The following GRIK4 variants were observed in gnomAD, a reference collection of about 807,000 sequenced individuals.
The protein encoded by GRIK4 is glutamate receptor ionotropic, kainate 4.
In GRIK4, 40 loss-of-function variants were observed where a neutral mutation model predicts 104.9. That is an observed-to-expected ratio of 0.38 (90% CI 0.30 to 0.50). The LOEUF is 0.50. Among genes scored for constraint, GRIK4 ranks in the 20% least tolerant of loss-of-function variants. The pLI is 0.93. For synonymous variants in GRIK4, 485 were observed against 524.9 expected (o/e 0.92, Z 1.04); for missense variants, 1,047 against 1,308.1 (o/e 0.80, Z 3.08).
intron 13 of GRIK4, among the ~76,000 whole-genome samples, chr11:120,906,732 G>A (rs1362286798): frequency 6.6e-6 from 1 of 152,192 alleles, no homozygotes; most frequent in Non-Finnish European, 1.5e-5. Flanking sequence ...CTGTGGAAAA[G>A]GTGTTTAAGA....
intron 11 of GRIK4, among the ~76,000 whole-genome samples, chr11:120,881,419 G>A (rs1474035983): frequency 1.3e-5 from 2 of 152,124 alleles, no homozygotes; most frequent in East Asian, 3.9e-4. Flanking sequence ...TGCTCCTACA[G>A]AGCTGGAGAA....
chr11:120,531,909 G>C (rs140201724), intron 1 of GRIK4, among the ~76,000 whole-genome samples: 8 of 152,108 alleles, frequency 5.3e-5, no homozygotes, highest in Non-Finnish European at 1.0e-4. Flanking sequence ...CAACCTCATG[G>C]TTGTGGCCCA....
At chr11:120,861,307 C>T (rs1954258216) in intron 8 of GRIK4, among the ~76,000 whole-genome samples, 1 of 151,906 alleles carries the variant, frequency 6.6e-6, no homozygotes, top group African/African-American at 2.4e-5. Flanking sequence ...GGGGTTTCAC[C>T]ATGTTGGTCA....
At chr11:120,854,224 G>A (rs1320947582) in intron 8 of GRIK4, among the ~76,000 whole-genome samples, 1 of 152,206 alleles carries the variant, frequency 6.6e-6, no homozygotes, top group Non-Finnish European at 1.5e-5. Flanking sequence ...GGCAGTTAGG[G>A]TCCAGGGCTG....
intron 1 of GRIK4, among the ~76,000 whole-genome samples, chr11:120,546,716 G>C (rs1320284454): frequency 6.6e-6 from 1 of 152,158 alleles, no homozygotes; most frequent in Non-Finnish European, 1.5e-5. Flanking sequence ...TTAGCCTTGA[G>C]TTATTTAGTA....
At chr11:120,561,917 A>C (rs1226571553) in intron 1 of GRIK4, among the ~76,000 whole-genome samples, 1 of 152,250 alleles carries the variant, frequency 6.6e-6, no homozygotes, top group Non-Finnish European at 1.5e-5. Context: ...CCACTTGAAA[A>C]GGGTGCCAAA....
intron 3 of GRIK4, among the ~76,000 whole-genome samples, chr11:120,789,501 A>G (rs1033113817): frequency 6.6e-6 from 1 of 152,016 alleles, no homozygotes; most frequent in African/African-American, 2.4e-5. Flanking sequence ...TTCCTGGACT[A>G]TTAAAATAAC....
intron 19 of GRIK4, among the ~76,000 whole-genome samples, chr11:120,974,492 G>T (rs1287072421): frequency 6.6e-6 from 1 of 152,186 alleles, no homozygotes; most frequent in Admixed American, 6.5e-5. Flanking sequence ...CAGACGACGT[G>T]CCAGTGCCTA....
chr11:120,898,332 C>T (rs1942639669), intron 11 of GRIK4, among the ~76,000 whole-genome samples, 200 bp from the exon 12 acceptor site: 1 of 151,764 alleles, frequency 6.6e-6, no homozygotes, highest in South Asian at 2.1e-4. Context: ...TCCTTTCTTC[C>T]CTGACTGTTA....
intron 1 of GRIK4, among the ~76,000 whole-genome samples, chr11:120,607,174 G>A (rs11600354): frequency 0.3 from 45,532 of 152,110 alleles, 7,494 homozygotes; most frequent in Non-Finnish European, 0.38. Context: ...GACAGGCTTC[G>A]GGGAGACATT....
At chr11:120,562,082 G>A (rs758094846) in intron 1 of GRIK4, among the ~76,000 whole-genome samples, 3 of 152,170 alleles carry the variant, frequency 2.0e-5, no homozygotes, top group Admixed American at 6.5e-5. Flanking sequence ...CACACAATAA[G>A]GGGAGGGAGA....
chr11:120,625,100 C>A (rs1949241077), intron 1 of GRIK4, among the ~76,000 whole-genome samples: 1 of 152,218 alleles, frequency 6.6e-6, no homozygotes, highest in Non-Finnish European at 1.5e-5. Context: ...CATGGTAAAA[C>A]CCCGTCTCTA....
At chr11:120,976,593 A>G (rs961501203) in intron 19 of GRIK4, among the ~76,000 whole-genome samples, 1 of 152,252 alleles carries the variant, frequency 6.6e-6, no homozygotes, top group Non-Finnish European at 1.5e-5. Context: ...CCAAGAATCC[A>G]TGTTCTTGTC....
chr11:120,657,744 C>T (rs913004541), intron 2 of GRIK4, among the ~76,000 whole-genome samples: 5 of 152,200 alleles, frequency 3.3e-5, no homozygotes, highest in Non-Finnish European at 5.9e-5. Flanking sequence ...ATGCCCTGTG[C>T]ACAGGAAGTG....
chr11:120,690,899 G>A (rs1950349067), intron 3 of GRIK4, among the ~76,000 whole-genome samples: 1 of 152,142 alleles, frequency 6.6e-6, no homozygotes, highest in African/African-American at 2.4e-5. Context: ...AAGTTATCAC[G>A]TCCTTGTAGG....
chr11:120,720,403 G>T (rs1950910332), intron 3 of GRIK4, among the ~76,000 whole-genome samples: 2 of 152,186 alleles, frequency 1.3e-5, no homozygotes, highest in South Asian at 2.1e-4. Context: ...ATTGCATTCT[G>T]GGTCTCAAGG....
intron 1 of GRIK4, among the ~76,000 whole-genome samples, chr11:120,606,716 T>G (rs1477506491): frequency 6.6e-6 from 1 of 152,146 alleles, no homozygotes; most frequent in South Asian, 2.1e-4. Flanking sequence ...GAGGAGGGCA[T>G]GCAGTTCTCC....
At chr11:120,734,037 A>G (rs1487496206) in intron 3 of GRIK4, among the ~76,000 whole-genome samples, 1 of 152,148 alleles carries the variant, frequency 6.6e-6, no homozygotes, top group East Asian at 1.9e-4. Flanking sequence ...CGCCTGGCCC[A>G]TTGTTTAGTC....
intron 13 of GRIK4, among the ~76,000 whole-genome samples, chr11:120,937,375 T>G (rs1943620656): frequency 6.6e-6 from 1 of 152,200 alleles, no homozygotes; most frequent in Non-Finnish European, 1.5e-5. Flanking sequence ...CGAAGGCACA[T>G]GTGATTGGAA....
Sources: gnomAD v4.1 joint callset for allele counts (sites outside exome capture counted in the v4.1 genomes callset) on GRCh38, gnomAD v4.1.1 for gene constraint, MANE v1.5 for transcripts, NCBI Gene and HGNC (gene_info 2026-07-23, HGNC 2026-07-21) for gene names.